PCDHB1: variants seen among roughly 807,000 people sequenced by gnomAD.
PCDHB1 encodes the protein protocadherin beta-1.
A neutral mutation model predicts 43.5 loss-of-function variants in PCDHB1; 44 were observed. The observed-to-expected ratio is 1.01, with a 90% CI of 0.79 to 1.30. PCDHB1 has a LOEUF of 1.30. Among genes scored for constraint, PCDHB1 ranks in the 50% most tolerant of loss-of-function variants. The pLI is 0.00. For missense variants in PCDHB1, 919 were observed against 1,008.9 expected (o/e 0.91, Z 1.21); for synonymous variants, 392 against 400.8 (o/e 0.98, Z 0.26).
rs1284994138 is a variant in PCDHB1 at position 141,053,321 on chromosome 5, TG to T, written c.1852del (p.Val618PhefsTer11). On this transcript the variant is annotated frameshift_variant, in exon 1 of 1. Coordinates refer to ENST00000306549, the MANE Select transcript of PCDHB1 (RefSeq NM_013340.4). LOFTEE classifies it high-confidence loss of function. ...LKATDLGLFS[V>X]QRQNGEIHTL... ...AGGCCACTGACCTTGGGTTATTTTC[TG>T]TTCAAAGACAAAATGGAGAAATCCA... 6.2e-7 allele frequency: 1 copy of T among 1,614,130 alleles called. No individual in the cohort carries two copies. Among genetic ancestry groups the T allele is most frequent in the Non-Finnish European group, 8.5e-7 (1 of 1,180,050 alleles).
At position 141,052,606 on chromosome 5, in the gene PCDHB1, G is replaced by C; in HGVS notation, c.1136G>C (p.Gly379Ala). The change falls in exon 1 of 1, where the codon GGA becomes GCA. Residue 379 changes from glycine (G) to alanine (A), a missense_variant. Physicochemically the swap from Gly to Ala is moderately conservative, Grantham distance 60 (BLOSUM62 0). Transcript: ENST00000306549. ...ATCAGAGACCGGGACATTCGAGTGG[G>C]AGGAAAAGTCACCTGCTTCCTCAGA... is the stretch of plus-strand genomic sequence containing the variant. ...FTIRDRDIRV[G>A]GKVTCFLRED... is the part of the protein sequence containing the mutation. 6.2e-7 allele frequency: 1 copy of C among 1,614,158 alleles called. No homozygotes were observed. The highest frequency in any genetic ancestry group is 8.5e-7 in the Non-Finnish European group (1 of 1,180,034).
chr5:141,053,395 T>C lies in PCDHB1; in HGVS notation c.1925T>C (p.Ile642Thr). ...SERDPMMQKL[I>T]ILVQDHGQPA... is the part of the protein sequence containing the mutation. ...AGAGACCCCATGATGCAGAAATTGA[T>C]CATTCTTGTTCAGGATCACGGCCAA... The change falls in exon 1 of 1, where the codon ATC becomes ACC. Residue 642 changes from isoleucine (I) to threonine (T), a missense_variant. Ile to Thr is a moderately conservative substitution (Grantham distance 89, BLOSUM62 -1). Coordinates refer to ENST00000306549, the MANE Select transcript of PCDHB1 (RefSeq NM_013340.4). The C allele has an allele frequency of 6.2e-7, 1 of 1,614,176 alleles. No homozygotes were observed. Among genetic ancestry groups the C allele is most frequent in the Admixed American group, 1.7e-5 (1 of 60,028 alleles).
chr5:141,052,474 T>C lies in PCDHB1; in HGVS notation c.1004T>C (p.Val335Ala). 1 of 1,614,166 alleles carries C rather than the reference T, an allele frequency of 6.2e-7. No individual in the cohort carries two copies. The change falls in exon 1 of 1, where the codon GTA becomes GCA. Residue 335 changes from valine (V) to alanine (A), a missense_variant. Physicochemically the swap from Val to Ala is moderately conservative, Grantham distance 64. Coordinates refer to ENST00000306549, the MANE Select transcript of PCDHB1 (RefSeq NM_013340.4). ...CTCTCTGCCCACAGCAAAGTCCTGG[T>C]AGAAGTGGTGGATGTGAATGACAAT... ...GGLSAHSKVL[V>A]EVVDVNDNPP...
In PCDHB1 at chr5:141,056,257, T is replaced by C. The variant is rs782080342; in HGVS notation, c.*2330T>C. On this transcript the variant is annotated 3_prime_UTR_variant, in exon 1 of 1. Coordinates refer to ENST00000306549, the MANE Select transcript of PCDHB1 (RefSeq NM_013340.4). Reference sequence around the variant, plus strand: ...CTTCATTCTTGGACTTAATGACTGATACCTAATGGCACCACCTGGCTGTTT... The same window carrying C: ...CTTCATTCTTGGACTTAATGACTGACACCTAATGGCACCACCTGGCTGTTT... 6.6e-6 allele frequency: 1 copy of C among 152,206 alleles called. No individual in the cohort carries two copies. The highest frequency in any genetic ancestry group is 1.5e-5 in the Non-Finnish European group (1 of 68,042). The allele number at this position is 152,206 out of a possible 1,614,324, so 9.4% of individuals were successfully genotyped here.
Position 141,059,176 on chromosome 5 carries a change from T to A in PCDHB1, c.*5249T>A, listed in dbSNP as rs886379132. On this transcript the variant is annotated 3_prime_UTR_variant, in exon 1 of 1. Coordinates refer to ENST00000306549, the MANE Select transcript of PCDHB1 (RefSeq NM_013340.4). ...TTTTAAAATAGATATAAACTGAAAATTTTAAAATTTGTTGTGCAGACATGT... is the reference window on the plus strand; with the variant it reads ...TTTTAAAATAGATATAAACTGAAAAATTTAAAATTTGTTGTGCAGACATGT... 1.3e-5 allele frequency: 2 copies of A among 152,102 alleles called. No homozygotes were observed. The highest frequency in any genetic ancestry group is 2.4e-5 in the African/African-American group (1 of 41,440). The allele number at this position is 152,102 out of a possible 1,614,324, so 9.4% of individuals were successfully genotyped here.
In PCDHB1 at chr5:141,051,656, C is replaced by T. The variant is rs782601176; in HGVS notation, c.186C>T (p.Arg62=). The T allele has an allele frequency of 6.2e-7, 1 of 1,614,214 alleles. No homozygotes were observed. The highest frequency in any genetic ancestry group is 1.1e-5 in the South Asian group (1 of 91,086). The change falls in exon 1 of 1, where the codon CGC becomes CGT. Residue 62 remains arginine (R), a synonymous_variant. Transcript: ENST00000306549. ...LGLEVGKLAA[R]GARLVSEGNK... ...TGGAGGTAGGGAAGCTGGCTGCGCGCGGGGCGCGGCTGGTTTCCGAGGGCA... is the reference window on the plus strand; with the variant it reads ...TGGAGGTAGGGAAGCTGGCTGCGCGTGGGGCGCGGCTGGTTTCCGAGGGCA...
chr5:141,057,714 T>G lies in PCDHB1; in HGVS notation c.*3787T>G, dbSNP rs1196759292. The G allele has an allele frequency of 6.6e-6, 1 of 152,164 alleles. No individual in the cohort carries two copies. Among genetic ancestry groups the G allele is most frequent in the African/African-American group, 2.4e-5 (1 of 41,436 alleles). The allele number at this position is 152,164 out of a possible 1,614,324, so 9.4% of individuals were successfully genotyped here. On this transcript the variant is annotated 3_prime_UTR_variant, in exon 1 of 1. Transcript: ENST00000306549. ...GAAAATTTTGTCACTCTAATTTTAT[T>G]CAGACTTCAAGTTCCCAAGAAAATT...
At position 141,058,793 on chromosome 5, in the gene PCDHB1, T is replaced by G. The variant is rs1588287573; in HGVS notation, c.*4866T>G. The G allele has an allele frequency of 6.6e-6, 1 of 152,324 alleles. No individual in the cohort carries two copies. Among genetic ancestry groups the G allele is most frequent in the Non-Finnish European group, 1.5e-5 (1 of 68,016 alleles). 9.4% of individuals were successfully genotyped at this position (152,324 alleles called of 1,614,324 possible). ...TAATGGTGATTTTCTATTTCTCTAT[T>G]TCCTTTTACATTAATTAAAATTCTT... On this transcript the variant is annotated 3_prime_UTR_variant, in exon 1 of 1. Transcript: ENST00000306549.
rs1043343231 is a variant in PCDHB1 at position 141,053,035 on chromosome 5, A to G, written c.1565A>G (p.Tyr522Cys). The G allele has an allele frequency of 3.1e-6, 5 of 1,614,260 alleles. No homozygotes were observed. The highest frequency in any genetic ancestry group is 4.2e-6 in the Non-Finnish European group (5 of 1,180,046). ...GKLYALRTMDYEAIQDFQFVV... is the reference protein window; with the variant it reads ...GKLYALRTMDCEAIQDFQFVV... The stretch of plus-strand genomic sequence containing the variant: ...CTCTACGCGCTGAGAACCATGGATT[A>G]TGAGGCCATTCAAGATTTTCAATTT... The change falls in exon 1 of 1, where the codon TAT (tyrosine) becomes TGT (cysteine). Residue 522 changes from tyrosine (Y) to cysteine (C), a missense_variant. Physicochemically the swap from Tyr to Cys is radical, Grantham distance 194 (BLOSUM62 -2). Transcript: ENST00000306549.
In PCDHB1 at chr5:141,058,681, A is replaced by G. The variant is rs1171110442; in HGVS notation, c.*4754A>G. The G allele has an allele frequency of 1.3e-5, 2 of 152,184 alleles. No individual in the cohort carries two copies. Among genetic ancestry groups the G allele is most frequent in the Non-Finnish European group, 2.9e-5 (2 of 68,020 alleles). 9.4% of individuals were successfully genotyped at this position (152,184 alleles called of 1,614,324 possible). A position where few individuals can be genotyped will look rare whatever the true frequency, so the allele number is the denominator to read the frequency against. On this transcript the variant is annotated 3_prime_UTR_variant, in exon 1 of 1. Coordinates refer to ENST00000306549, the MANE Select transcript of PCDHB1 (RefSeq NM_013340.4). The stretch of plus-strand genomic sequence containing the variant: ...ATAAACACTTGGGGGATATGCTTTG[A>G]AACTATGCAAATATGATGTTTCTGC...
rs1349841577 is a variant in PCDHB1, at chr5:141,051,618, A to G, written c.148A>G (p.Lys50Glu). 7 of 1,614,232 alleles carry G rather than the reference A, an allele frequency of 4.3e-6. No homozygotes were observed. The highest frequency in any genetic ancestry group is 5.1e-6 in the Non-Finnish European group (6 of 1,180,040). ...ESGSFVANVA[K>E]DLGLEVGKLA... ...CGGCTCGTTTGTGGCCAACGTAGCTAAGGACCTAGGACTGGAGGTAGGGAA... is the reference window on the plus strand; with the variant it reads ...CGGCTCGTTTGTGGCCAACGTAGCTGAGGACCTAGGACTGGAGGTAGGGAA... Residue 50 changes from lysine (K) to glutamate (E), a missense_variant, in exon 1 of 1, where the codon AAG (lysine) becomes GAG (glutamate). Transcript: ENST00000306549.
chr5:141,051,692 T>C lies in PCDHB1; in HGVS notation c.222T>C (p.His74=), dbSNP rs782035039. 3 of 1,614,040 alleles carry C rather than the reference T, an allele frequency of 1.9e-6. No individual in the cohort carries two copies. The African/African-American group carries it at 4.0e-5, about 22-fold the overall frequency. The change falls in exon 1 of 1, where the codon CAT becomes CAC. Residue 74 remains histidine, a synonymous_variant. Coordinates refer to ENST00000306549, the MANE Select transcript of PCDHB1 (RefSeq NM_013340.4). ...ARLVSEGNKM[H]FRLHRKTGDL... ...TGGTTTCCGAGGGCAACAAAATGCA[T>C]TTCCGGCTCCACCGCAAGACGGGAG... is the stretch of plus-strand genomic sequence containing the variant.
In PCDHB1 at chr5:141,053,437, C is replaced by T. The variant is rs1588284501; in HGVS notation, c.1967C>T (p.Thr656Ile). ...QDHGQPALST[T>I]VSLNILLVDG... The stretch of plus-strand genomic sequence containing the variant: ...CACGGCCAACCAGCTCTTTCCACTA[C>T]TGTCTCACTCAACATCCTGCTGGTA... Residue 656 changes from threonine (T) to isoleucine (I), a missense_variant, in exon 1 of 1, where the codon ACT (threonine) becomes ATT (isoleucine). Thr to Ile is a moderately conservative substitution (Grantham distance 89). Transcript: ENST00000306549. The T allele has an allele frequency of 6.2e-7, 1 of 1,614,210 alleles. No individual in the cohort carries two copies. Among genetic ancestry groups the T allele is most frequent in the Non-Finnish European group, 8.5e-7 (1 of 1,180,020 alleles).
In PCDHB1 at chr5:141,052,241, TG is replaced by T; in HGVS notation, c.773del (p.Gly258AlafsTer7). On this transcript the variant is annotated frameshift_variant, in exon 1 of 1. Coordinates refer to ENST00000306549, the MANE Select transcript of PCDHB1 (RefSeq NM_013340.4). LOFTEE classifies it high-confidence loss of function. ...RAQVSENSPN[G>X]SLVATVTAVD... ...CCCAGGTATCAGAGAACAGCCCCAA[TG>T]GCTCTTTGGTGGCCACGGTGACTGC... The T allele has an allele frequency of 1.9e-6, 3 of 1,614,106 alleles. No homozygotes were observed. The East Asian group carries it at 6.7e-5, about 36-fold the overall frequency.
rs1454069456 is a variant in PCDHB1 at position 141,058,668 on chromosome 5, G to A, written c.*4741G>A. ...CTCTTTGTAATTAATAAACACTTGG[G>A]GGATATGCTTTGAAACTATGCAAAT... On this transcript the variant is annotated 3_prime_UTR_variant, in exon 1 of 1. Transcript: ENST00000306549. 2 of 152,028 alleles carry A rather than the reference G, an allele frequency of 1.3e-5. No homozygotes were observed. The highest frequency in any genetic ancestry group is 4.8e-5 in the African/African-American group (2 of 41,396). The allele number at this position is 152,028 out of a possible 1,614,324, so 9.4% of individuals were successfully genotyped here.
rs369721348 is a variant in PCDHB1, at chr5:141,051,846, A to G, written c.376A>G (p.Ile126Val). 5 of 1,614,054 alleles carry G rather than the reference A, an allele frequency of 3.1e-6. No homozygotes were observed. In the African/African-American group the frequency reaches 6.7e-5, roughly 22 times the overall value. Residue 126 changes from isoleucine (I) to valine (V), a missense_variant, in exon 1 of 1, where the codon ATC becomes GTC. Ile to Val is a conservative substitution (Grantham distance 29). Transcript: ENST00000306549. ...CCGGGCCGAGGTCAGGGTATTTGAT[A>G]TCAATGACAATGCCCCAGTTTTCCT... Reference protein sequence around the residue: ...SFRAEVRVFDINDNAPVFLNK... With the variant: ...SFRAEVRVFDVNDNAPVFLNK...
At position 141,053,179 on chromosome 5, in the gene PCDHB1, C is replaced by G; in HGVS notation, c.1709C>G (p.Thr570Ser). Residue 570 changes from threonine to serine, a missense_variant, in exon 1 of 1, where the codon ACC becomes AGC. By Grantham distance (58) the Thr-to-Ser change is moderately conservative. Transcript: ENST00000306549. The part of the protein sequence containing the change: ...PMILYPLQNG[T>S]LPCNDLVPRS... The stretch of plus-strand genomic sequence containing the variant: ...ATCTTATACCCACTGCAGAACGGCA[C>G]CTTGCCCTGCAATGACCTGGTGCCC... The G allele has an allele frequency of 6.2e-7, 1 of 1,614,194 alleles. No homozygotes were observed. Among genetic ancestry groups the G allele is most frequent in the Admixed American group, 1.7e-5 (1 of 60,020 alleles).
chr5:141,056,340 T>A lies in PCDHB1; in HGVS notation c.*2413T>A, dbSNP rs2154005726. ...GCTGTTATTTTTTAGATGTTAGAGA[T>A]GCTTAGGGCAGAACTGGTGTAACCT... is the stretch of plus-strand genomic sequence containing the variant. On this transcript the variant is annotated 3_prime_UTR_variant, in exon 1 of 1. Coordinates refer to ENST00000306549, the MANE Select transcript of PCDHB1 (RefSeq NM_013340.4). 6.6e-6 allele frequency: 1 copy of A among 152,328 alleles called. No individual in the cohort carries two copies. Among genetic ancestry groups the A allele is most frequent in the African/African-American group, 2.4e-5 (1 of 41,584 alleles). The allele number at this position is 152,328 out of a possible 1,614,324, so 9.4% of individuals were successfully genotyped here. A position where few individuals can be genotyped will look rare whatever the true frequency, so the allele number is the denominator to read the frequency against.
In PCDHB1 at chr5:141,052,412, A is replaced by G. The variant is rs782553999; in HGVS notation, c.942A>G (p.Thr314=). ...RGPLDFEAIE[T]YDIDIQATDG... is the part of the protein sequence containing the mutation. ...CCCTCGATTTTGAAGCCATTGAAAC[A>G]TACGACATTGACATTCAAGCTACAG... is the stretch of plus-strand genomic sequence containing the variant. The change falls in exon 1 of 1, where the codon ACA becomes ACG. Residue 314 remains threonine (T), a synonymous_variant. Coordinates refer to ENST00000306549, the MANE Select transcript of PCDHB1 (RefSeq NM_013340.4). The G allele has an allele frequency of 1.2e-6, 2 of 1,614,140 alleles. No individual in the cohort carries two copies. Among genetic ancestry groups the G allele is most frequent in the South Asian group, 1.1e-5 (1 of 91,092 alleles).
Sources: allele counts gnomAD v4.1 joint callset, GRCh38; gene constraint gnomAD v4.1.1; transcripts MANE v1.5; gene names NCBI Gene and HGNC (gene_info 2026-07-23, HGNC 2026-07-21).